Variants in GOT2 observed in about 807,000 individuals in gnomAD.
GOT2 encodes the protein aspartate aminotransferase, mitochondrial.
A neutral mutation model predicts 50.0 loss-of-function variants in GOT2; 17 were observed. That is an observed-to-expected ratio of 0.34 (90% confidence interval 0.23 to 0.51). The LOEUF (loss-of-function observed/expected upper bound fraction) is 0.51. Among genes scored for constraint, GOT2 ranks in the 20% least tolerant of loss-of-function variants. The probability of loss-of-function intolerance (pLI) is 0.97; values close to 1 mark genes in which losing one functional copy is unlikely to be tolerated. For synonymous variants in GOT2, 172 were observed against 204.9 expected (o/e 0.84, Z 1.37); for missense variants, 430 against 559.6 (o/e 0.77, Z 2.34).
intron 1 of GOT2, among the ~76,000 whole-genome samples, chr16:58,728,408 A>T (rs1372982041): frequency 2.0e-5 from 3 of 152,138 alleles, no homozygotes; most frequent in African/African-American, 7.2e-5. Context: ...CAAAACCTAA[A>T]TTGGCAGAGT....
chr16:58,711,441 A>C (rs565154329), intron 8 of GOT2, among the ~76,000 whole-genome samples: 84 of 152,104 alleles, frequency 5.5e-4, no homozygotes, highest in Non-Finnish European at 9.6e-4. Context: ...CACCAATGAC[A>C]TTCCCATTTA....
chr16:58,718,285 T>C lies in GOT2; in HGVS notation c.613A>G (p.Ser205Gly). The C allele has an allele frequency of 6.2e-7, 1 of 1,613,602 alleles. No individual in the cohort carries two copies. Reference sequence around the variant, plus strand: ...GCGCAGGCATGCAGAAGAAGAACACTCTGCTCTGGTATTTTCTAAAGAGAA... The same window carrying C: ...GCGCAGGCATGCAGAAGAAGAACACCCTGCTCTGGTATTTTCTAAAGAGAA... ...VEDISKIPEQSVLLLHACAHN... is the reference protein window; with the variant it reads ...VEDISKIPEQGVLLLHACAHN... The change falls in exon 6 of 10, where the codon AGT becomes GGT. Residue 205 changes from serine to glycine, a missense_variant. Transcript: ENST00000245206.
intron 1 of GOT2, 51 bp downstream of exon 1, chr16:58,734,089 C>T (rs893139286): frequency 1.4e-5 from 15 of 1,106,184 alleles, no homozygotes; most frequent in African/African-American, 1.6e-5. Context: ...GCTCGCAGCT[C>T]GGCGGGGCAG....
At chr16:58,731,050 ATTC>A (rs1455203485) in intron 1 of GOT2, among the ~76,000 whole-genome samples, 2 of 151,144 alleles carry the variant, frequency 1.3e-5, no homozygotes, top group Non-Finnish European at 2.9e-5. Context: ...TTTTCCTCAC[ATTC>A]TTCTTACTTT....
At chr16:58,725,010 T>C (rs1567489892) in intron 1 of GOT2, among the ~76,000 whole-genome samples, 2 of 152,234 alleles carry the variant, frequency 1.3e-5, no homozygotes, top group Admixed American at 1.3e-4. Context: ...GATGCCCCTC[T>C]ACTGGAATTT....
chr16:58,726,894 C>T (rs894174334), intron 1 of GOT2, among the ~76,000 whole-genome samples: 2 of 151,896 alleles, frequency 1.3e-5, no homozygotes, highest in Non-Finnish European at 2.9e-5. Flanking sequence ...TGGCTCACGC[C>T]TGCAATCCCA....
intron 1 of GOT2, among the ~76,000 whole-genome samples, chr16:58,725,456 T>C (rs754903688): frequency 1.3e-5 from 2 of 152,210 alleles, no homozygotes; most frequent in East Asian, 1.9e-4. Flanking sequence ...CTTACACTTT[T>C]GGTCTAATAT....
At position 58,718,214 on chromosome 16, in the gene GOT2, T is replaced by G. The variant is rs2044710624; in HGVS notation, c.684A>C (p.Glu228Asp). The change falls in exon 6 of 10, where the codon GAA becomes GAC. Residue 228 changes from glutamate (E) to aspartate (D), a missense_variant. By Grantham distance (45) the Glu-to-Asp change is conservative. Coordinates refer to ENST00000245206, the MANE Select transcript of GOT2 (RefSeq NM_002080.4). ...GVDPRPEQWK[E>D]IATVVKKRNL... ...TCCTCACCTTCACCACTGTTGCTATTTCCTTCCACTGTTCCGGACGCGGGT... is the reference window on the plus strand; with the variant it reads ...TCCTCACCTTCACCACTGTTGCTATGTCCTTCCACTGTTCCGGACGCGGGT... 1.2e-6 allele frequency: 2 copies of G among 1,613,150 alleles called. No homozygotes were observed. Among genetic ancestry groups the G allele is most frequent in the South Asian group, 2.2e-5 (2 of 91,054 alleles).
chr16:58,715,331 C>T (rs544955954), intron 8 of GOT2, among the ~76,000 whole-genome samples: 4 of 152,298 alleles, frequency 2.6e-5, no homozygotes, highest in East Asian at 1.9e-4. Context: ...CTACTTAACA[C>T]GGAGATGACG....
rs908644466 is a variant in GOT2, at chr16:58,731,593, C to CT, written c.89+2546dup. 5.3e-5 allele frequency among the ~76,000 whole-genome samples: 8 copies of CT among 151,848 alleles called. No homozygotes were observed. In the East Asian group the frequency reaches 7.7e-4, roughly 15 times the overall value. ...ATTATAAATCAAAATACATTAGCATCTTTTTTTTTCTTCATTGAACTGCAA... is the reference window on the plus strand; with the variant it reads ...ATTATAAATCAAAATACATTAGCATCTTTTTTTTTTCTTCATTGAACTGCAA... On this transcript the variant is annotated intron_variant, in intron 1 of 9. Coordinates refer to ENST00000245206, the MANE Select transcript of GOT2 (RefSeq NM_002080.4).
chr16:58,732,285 C>A (rs115554565), intron 1 of GOT2, among the ~76,000 whole-genome samples: 130 of 151,478 alleles, frequency 8.6e-4, no homozygotes, highest in African/African-American at 3.0e-3. Flanking sequence ...GCCTGGGCAA[C>A]ACAGTGAGAC....
chr16:58,721,640 G>A (rs187544095), intron 3 of GOT2: 1 of 152,458 alleles, frequency 6.6e-6, no homozygotes, highest in Admixed American at 6.5e-5. Flanking sequence ...ATTACTACTA[G>A]TACATTTTTG....
chr16:58,731,923 G>T (rs1289148623), intron 1 of GOT2, among the ~76,000 whole-genome samples: 1 of 152,220 alleles, frequency 6.6e-6, no homozygotes, highest in East Asian at 1.9e-4. Flanking sequence ...GTCTGATCTT[G>T]CCTGAAGAGT....
At chr16:58,723,228 G>T (rs943257607) in intron 2 of GOT2, among the ~76,000 whole-genome samples, 1 of 152,144 alleles carries the variant, frequency 6.6e-6, no homozygotes, top group Non-Finnish European at 1.5e-5. Context: ...AAGGGGATTT[G>T]TTATATTATT....
At chr16:58,719,150 T>A in intron 4 of GOT2, 46 bp downstream of exon 4, 1 of 1,363,304 alleles carries the variant, frequency 7.3e-7, no homozygotes, top group Non-Finnish European at 1.1e-6. Flanking sequence ...GGAAGCCCTG[T>A]CATCTGGAAT....
chr16:58,709,578 AC>A lies in GOT2; in HGVS notation c.1020-12del, dbSNP rs941972188. 8.7e-6 allele frequency: 14 copies of A among 1,604,024 alleles called. No homozygotes were observed. The Admixed American group carries it at 1.0e-4, about 11-fold the overall frequency. ...TTCACTTCTTGCAGCCTGTAAAGAA[AC>A]CCTGAGATGCAGCTCATTCTGCCTA... On this transcript the variant is annotated splice_polypyrimidine_tract_variant and intron_variant, in intron 8 of 9. Coordinates refer to ENST00000245206, the MANE Select transcript of GOT2 (RefSeq NM_002080.4).
chr16:58,722,333 T>C, intron 2 of GOT2, 55 bp from the exon 3 acceptor site: 2 of 1,537,452 alleles, frequency 1.3e-6, no homozygotes, highest in South Asian at 2.2e-5. Context: ...GGAATTACTA[T>C]GATTAATGTT....
chr16:58,733,682 G>A lies in GOT2; in HGVS notation c.89+458C>T, dbSNP rs62066772. The stretch of plus-strand genomic sequence containing the variant: ...CTTCCTCTCGCGCTCTTCCCGCCCA[G>A]GGCACACACGCGGCAGCCAGCCGCC... On this transcript the variant is annotated intron_variant, in intron 1 of 9. Transcript: ENST00000245206. Among the ~76,000 whole-genome samples the A allele has an allele frequency of 8.7e-3, 1,322 of 152,208 alleles. 8 individuals are homozygous for A. Among genetic ancestry groups the A allele is most frequent in the Non-Finnish European group, 0.014 (976 of 67,980 alleles).
intron 3 of GOT2, among the ~76,000 whole-genome samples, chr16:58,720,779 T>A (rs375505490): frequency 6.6e-6 from 1 of 151,684 alleles, no homozygotes; most frequent in Non-Finnish European, 1.5e-5. Flanking sequence ...GGGGGGCGGG[T>A]CTCACCATAT....
Sources: allele counts gnomAD v4.1 joint callset (sites outside exome capture counted in the v4.1 genomes callset), GRCh38; gene constraint gnomAD v4.1.1; transcripts MANE v1.5; gene names NCBI Gene and HGNC (gene_info 2026-07-23, HGNC 2026-07-21).